DACH1: variants seen among roughly 807,000 people sequenced by gnomAD.
The protein encoded by DACH1 is dachshund family transcription factor 1, also known as dachshund homolog 1.
A neutral mutation model predicts 54.2 loss-of-function variants in DACH1; 12 were observed. The ratio of observed to expected loss-of-function variants is 0.22; its 90% CI spans 0.14 to 0.36. The LOEUF (loss-of-function observed/expected upper bound fraction) is 0.36, where lower values mean the gene tolerates loss of function less well. DACH1 is among the 10% of genes least tolerant of loss of function. The pLI is 1.00. For missense variants in DACH1, 805 were observed against 929.8 expected (o/e 0.87, Z 1.75); for synonymous variants, 386 against 366.2 (o/e 1.05, Z -0.62).
At chr13:71,464,512 T>G (rs1168148693) in intron 10 of DACH1, 14 of 375,026 alleles carry the variant, frequency 3.7e-5, no homozygotes, top group South Asian at 2.2e-4. Context: ...AAGATAAATA[T>G]TTCATTAGCT....
At chr13:71,566,623 T>C (rs1884908340) in intron 4 of DACH1, among the ~76,000 whole-genome samples, 1 of 152,132 alleles carries the variant, frequency 6.6e-6, no homozygotes, top group African/African-American at 2.4e-5. Flanking sequence ...ATGAGTTTCT[T>C]TTTTAGTATT....
Position 71,681,780 on chromosome 13 carries a change from GAGT to G in DACH1, c.964+12_964+14del, listed in dbSNP as rs370270109. 3,221 of 1,593,656 alleles carry G rather than the reference GAGT, an allele frequency of 2.0e-3. 64 individuals carry two copies. The African/African-American group carries it at 0.037, about 18-fold the overall frequency. ...ATTTTTAATATTTTTTGGCATAAGT[GAGT>G]AGCAGTCTTACCTGTTGGTGGAATT... On this transcript the variant is annotated intron_variant, in intron 2 of 10. Transcript: ENST00000613252.
chr13:71,808,941 C>T (rs566421060), intron 1 of DACH1, among the ~76,000 whole-genome samples: 8 of 152,236 alleles, frequency 5.3e-5, no homozygotes, highest in South Asian at 4.1e-4. Flanking sequence ...TTAAAGCCAA[C>T]ACAAACACAG....
rs942698713 is a variant in DACH1 at position 71,820,674 on chromosome 13, A to G, written c.848+45248T>C. 2.6e-5 allele frequency among the ~76,000 whole-genome samples: 4 copies of G among 152,320 alleles called. No individual in the cohort carries two copies. In the East Asian group the frequency reaches 7.7e-4, roughly 29 times the overall value. On this transcript the variant is annotated intron_variant, in intron 1 of 10. Transcript: ENST00000613252. ...AAGTCTAATAAAAATAATCACAAGA[A>G]GAAACAACATACAGTTATAAATCCA...
chr13:71,590,970 C>T (rs1055032562), intron 3 of DACH1, among the ~76,000 whole-genome samples: 25 of 150,148 alleles, frequency 1.7e-4, no homozygotes, highest in African/African-American at 5.9e-4. Context: ...CCTCTGCCTC[C>T]CAGGTTCAAG....
rs116821354 is a variant in DACH1, at chr13:71,523,144, G to A, written c.1570+33880C>T. ...ATGTGTGAGCCCCTTGTGCTCTGGC[G>A]TAAATACTTATCAAATCCTAACAGG... On this transcript the variant is annotated intron_variant, in intron 6 of 10. Coordinates refer to ENST00000613252, the MANE Select transcript of DACH1 (RefSeq NM_080759.6). 2.3e-3 allele frequency among the ~76,000 whole-genome samples: 343 copies of A among 152,178 alleles called. 3 individuals carry two copies. Among genetic ancestry groups the A allele is most frequent in the African/African-American group, 7.8e-3 (326 of 41,542 alleles).
intron 6 of DACH1, among the ~76,000 whole-genome samples, chr13:71,497,909 CAG>C (rs1879581134): frequency 2.6e-5 from 4 of 151,328 alleles, no homozygotes; most frequent in South Asian, 4.2e-4. Context: ...CACAGATACA[CAG>C]ACACACACAC....
chr13:71,830,472 A>T (rs986129662), intron 1 of DACH1, among the ~76,000 whole-genome samples: 5 of 151,876 alleles, frequency 3.3e-5, no homozygotes, highest in African/African-American at 1.2e-4. Context: ...TTTTAGCAGC[A>T]CTAGAGAAAG....
chr13:71,689,301 G>C (rs1344747142), intron 1 of DACH1, among the ~76,000 whole-genome samples: 2 of 152,000 alleles, frequency 1.3e-5, no homozygotes, highest in African/African-American at 4.8e-5. Flanking sequence ...TCATCATTTT[G>C]GTTACCATTA....
chr13:71,493,027 GT>G (rs75774425), intron 6 of DACH1, among the ~76,000 whole-genome samples: 6,788 of 140,514 alleles, frequency 0.048, 229 homozygotes, highest in East Asian at 0.21. Flanking sequence ...TTCTTAATGA[GT>G]TTTTTTTTTT....
chr13:71,459,477 T>C (rs1229473405), intron 10 of DACH1, among the ~76,000 whole-genome samples: 1 of 151,980 alleles, frequency 6.6e-6, no homozygotes, highest in Non-Finnish European at 1.5e-5. Flanking sequence ...TCATTATAAC[T>C]TAAATTCATG....
intron 1 of DACH1, among the ~76,000 whole-genome samples, chr13:71,763,086 A>G (rs1301294521): frequency 3.3e-5 from 5 of 152,170 alleles, no homozygotes; most frequent in Non-Finnish European, 7.3e-5. Flanking sequence ...TTCATCCTCA[A>G]CATTCACATG....
intron 1 of DACH1, among the ~76,000 whole-genome samples, chr13:71,802,468 A>C (rs1887327191): frequency 6.6e-6 from 1 of 152,100 alleles, no homozygotes; most frequent in South Asian, 2.1e-4. Context: ...AAATTACTGA[A>C]AGAAAGACAA....
intron 1 of DACH1, among the ~76,000 whole-genome samples, chr13:71,775,768 A>G (rs1886038379): frequency 6.6e-6 from 1 of 152,176 alleles, no homozygotes; most frequent in African/African-American, 2.4e-5. Flanking sequence ...TATTGCCAGT[A>G]AACATAACTG....
chr13:71,518,399 A>C (rs879620078), intron 6 of DACH1, among the ~76,000 whole-genome samples: 6 of 151,784 alleles, frequency 4.0e-5, no homozygotes, highest in Non-Finnish European at 7.4e-5. Context: ...GGAAAAAAAA[A>C]AATCTGTTGT....
intron 2 of DACH1, among the ~76,000 whole-genome samples, chr13:71,648,963 A>G (rs560145135): frequency 1.1e-4 from 17 of 152,212 alleles, no homozygotes; most frequent in African/African-American, 4.1e-4. Flanking sequence ...CTTCAACTTT[A>G]TTTCTCAGGA....
intron 6 of DACH1, among the ~76,000 whole-genome samples, chr13:71,514,884 G>A (rs1218768039): frequency 6.6e-6 from 1 of 151,912 alleles, no homozygotes; most frequent in East Asian, 1.9e-4. Context: ...TGTCAAGAAT[G>A]TTTAGCAGAT....
chr13:71,738,771 C>G (rs1594160416), intron 1 of DACH1, among the ~76,000 whole-genome samples: 1 of 70,364 alleles, frequency 1.4e-5, no homozygotes, highest in Non-Finnish European at 3.7e-5. Context: ...AGACAGAAAA[C>G]TATCAAATGC....
intron 1 of DACH1, among the ~76,000 whole-genome samples, chr13:71,778,128 A>C: frequency 6.6e-6 from 1 of 150,704 alleles, no homozygotes. Flanking sequence ...ATAAATAAAT[A>C]AATAAATAAA....
Sources: gnomAD v4.1 joint callset for allele counts (sites outside exome capture counted in the v4.1 genomes callset) on GRCh38, gnomAD v4.1.1 for gene constraint, MANE v1.5 for transcripts, NCBI Gene and HGNC (gene_info 2026-07-23, HGNC 2026-07-21) for gene names.